The following ABCA9 variants were observed in gnomAD, a reference collection of about 807,000 sequenced individuals.
The protein encoded by ABCA9 is ATP-binding cassette sub-family A member 9.
A neutral mutation model predicts 205.3 loss-of-function variants in ABCA9; 183 were observed. The observed-to-expected ratio is 0.89, with a 90% confidence interval of 0.79 to 1.01. The LOEUF is 1.01. Ranked by LOEUF, ABCA9 falls within the 50% of genes least tolerant of loss-of-function variation. ABCA9 has a pLI of 0.00. For synonymous variants in ABCA9, 651 were observed against 683.3 expected (o/e 0.95, Z 0.74); for missense variants, 1,805 against 1,912.4 (o/e 0.94, Z 1.05).
chr17:68,989,988 T>G, intron 29 of ABCA9, 58 bp from the exon 30 acceptor site: 8 of 1,161,066 alleles, frequency 6.9e-6, no homozygotes, highest in African/African-American at 1.5e-5. Context: ...TGAGAGGGTG[T>G]TCCACACTCT....
At chr17:69,044,666 T>C (rs2071652715) in intron 4 of ABCA9, 66 bp from the exon 5 acceptor site, 1 of 1,401,914 alleles carries the variant, frequency 7.1e-7, no homozygotes, top group Non-Finnish European at 9.8e-7. Context: ...AAAAACAAAA[T>C]TTCAAATGTT....
chr17:69,016,572 T>TA (rs1238657453), intron 21 of ABCA9, among the ~76,000 whole-genome samples, 182 bp from the exon 22 acceptor site: 161 of 152,194 alleles, frequency 1.1e-3, no homozygotes, highest in African/African-American at 3.7e-3. Flanking sequence ...AAGAATCCGG[T>TA]ATTTTGGTTT....
intron 22 of ABCA9, among the ~76,000 whole-genome samples, chr17:69,014,502 A>C (rs2144238504): frequency 6.6e-6 from 1 of 152,310 alleles, no homozygotes; most frequent in African/African-American, 2.4e-5. Context: ...CTCAATCTAT[A>C]ATAGGAATAG....
intron 19 of ABCA9, among the ~76,000 whole-genome samples, chr17:69,019,597 G>A (rs778765224): frequency 6.6e-6 from 1 of 152,084 alleles, no homozygotes; most frequent in Non-Finnish European, 1.5e-5. Context: ...TCACCCTCAA[G>A]GGTGGACTGT....
rs749057742 is a variant in ABCA9, at chr17:68,986,145, GC to G, written c.4208+18del. 33 of 1,582,614 alleles carry G rather than the reference GC, an allele frequency of 2.1e-5. No individual in the cohort carries two copies. Among genetic ancestry groups the G allele is most frequent in the Non-Finnish European group, 2.5e-5 (29 of 1,163,738 alleles). On this transcript the variant is annotated intron_variant, in intron 32 of 38. Coordinates refer to ENST00000340001, the MANE Select transcript of ABCA9 (RefSeq NM_080283.4). ...AACATCCCCTCCAGCAAAGGGGAGT[GC>G]CCCCCAGTCCCAGGTACCGTGTGAT... is the stretch of plus-strand genomic sequence containing the variant.
At chr17:69,052,642 T>C (rs1362592659) in intron 1 of ABCA9, among the ~76,000 whole-genome samples, 1 of 152,152 alleles carries the variant, frequency 6.6e-6, no homozygotes, top group Non-Finnish European at 1.5e-5. Flanking sequence ...ACAAAGAAAT[T>C]CTCCAGTTCT....
At chr17:69,074,431 T>C in the ABCA9 span, among the ~76,000 whole-genome samples, 3 of 152,198 alleles carry the variant, frequency 2.0e-5, no homozygotes, top group Non-Finnish European at 4.4e-5. Flanking sequence ...CCTGGGGGAC[T>C]ATTGTTGCCA....
At chr17:69,013,884 C>T (rs186180399) in intron 22 of ABCA9, among the ~76,000 whole-genome samples, 2 of 151,994 alleles carry the variant, frequency 1.3e-5, no homozygotes, top group Non-Finnish European at 2.9e-5. Flanking sequence ...CAGAGAATGC[C>T]AGGAGCTGGG....
At chr17:68,983,947 T>C (rs922959034) in intron 35 of ABCA9, 98 bp from the exon 36 acceptor site, 1 of 1,601,804 alleles carries the variant, frequency 6.2e-7, no homozygotes, top group African/African-American at 1.3e-5. Flanking sequence ...CACATAGAGT[T>C]GGAAGCAACC....
chr17:69,011,939 GATATAAAAAACA>G (rs773659400), intron 23 of ABCA9, 25 bp downstream of exon 23: 2 of 1,463,478 alleles, frequency 1.4e-6, no homozygotes, highest in South Asian at 1.2e-5. Context: ...GGGTTCTCTA[GATATAAAAAACA>G]TGTGAAGACT....
At chr17:69,016,122 A>ATG (rs2070598152) in intron 22 of ABCA9, 131 bp downstream of exon 22, 1 of 85,450 alleles carries the variant, frequency 1.2e-5, no homozygotes, top group Non-Finnish European at 3.4e-5. Context: ...ATATATATAT[A>ATG]TACACACACA....
At chr17:69,020,292 T>C (rs1038204888) in intron 19 of ABCA9, 96 bp downstream of exon 19, 70 of 1,215,100 alleles carry the variant, frequency 5.8e-5, no homozygotes, top group Non-Finnish European at 7.7e-5. Context: ...GTGCATTTAC[T>C]GAAATTTATT....
In ABCA9 at chr17:69,027,007, G is replaced by C; in HGVS notation, c.2019C>G (p.Thr673=). ...GKSDRVILFS[T]QFIDEADILA... is the part of the protein sequence containing the mutation. ...GAATGTCAGCCTCATCTATAAACTG[G>C]GTGCTGAAGAGAATTACTCTGTCTG... Residue 673 remains threonine (T), a synonymous_variant, in exon 15 of 39, where the codon ACC becomes ACG. Coordinates refer to ENST00000340001, the MANE Select transcript of ABCA9 (RefSeq NM_080283.4). 6.2e-7 allele frequency: 1 copy of C among 1,614,020 alleles called. No homozygotes were observed. The highest frequency in any genetic ancestry group is 8.5e-7 in the Non-Finnish European group (1 of 1,179,982).
the ABCA9 span, among the ~76,000 whole-genome samples, chr17:69,071,125 G>A: frequency 2.6e-5 from 4 of 152,166 alleles, no homozygotes; most frequent in African/African-American, 9.7e-5. Context: ...GATCTCCCTG[G>A]GACAGAGCAC....
In ABCA9 at chr17:68,983,792, C is replaced by T. The variant is rs1015657522; in HGVS notation, c.4557G>A (p.Glu1519=). The T allele has an allele frequency of 1.9e-6, 3 of 1,614,118 alleles. No individual in the cohort carries two copies. The highest frequency in any genetic ancestry group is 2.5e-6 in the Non-Finnish European group (3 of 1,180,054). ...TTTGTGCCAGGTTCTTCAGCTTCATCTCCAGCAGGTAGTCTTTGCCAAATT... is the reference window on the plus strand; with the variant it reads ...TTTGTGCCAGGTTCTTCAGCTTCATTTCCAGCAGGTAGTCTTTGCCAAATT... ...KSKFGKDYLL[E]MKLKNLAQME... is the part of the protein sequence containing the mutation. The change falls in exon 36 of 39, where the codon GAG becomes GAA. Residue 1519 remains glutamate (E), a synonymous_variant. Transcript: ENST00000340001.
intron 7 of ABCA9, 81 bp from the exon 8 acceptor site, chr17:69,035,512 T>C (rs1484665045): frequency 8.1e-6 from 11 of 1,351,884 alleles, no homozygotes; most frequent in Non-Finnish European, 1.1e-5. Flanking sequence ...ATTATAAAAG[T>C]ATATTTTATA....
chr17:68,986,044 C>T lies in ABCA9; in HGVS notation c.4208+120G>A, dbSNP rs1255954494. The T allele has an allele frequency of 8.9e-6, 9 of 1,011,904 alleles. No individual in the cohort carries two copies. The East Asian group carries it at 1.9e-4, about 22-fold the overall frequency. The allele number at this position is 1,011,904 out of a possible 1,614,324, so 62.7% of individuals were successfully genotyped here. On this transcript the variant is annotated intron_variant, in intron 32 of 38. Coordinates refer to ENST00000340001, the MANE Select transcript of ABCA9 (RefSeq NM_080283.4). ...CAACACTGAACAGAGTTCTAGATGACCAAATCTTCTCCCACAAGCATGGGG... is the reference window on the plus strand; with the variant it reads ...CAACACTGAACAGAGTTCTAGATGATCAAATCTTCTCCCACAAGCATGGGG...
At chr17:69,069,740 TCA>T in the ABCA9 span, among the ~76,000 whole-genome samples, 2 of 152,042 alleles carry the variant, frequency 1.3e-5, no homozygotes, top group Non-Finnish European at 1.5e-5. Flanking sequence ...TCTTCCGTTT[TCA>T]GAATCATTAA....
chr17:69,000,184 G>C (rs1329090558), intron 25 of ABCA9, among the ~76,000 whole-genome samples: 1 of 151,870 alleles, frequency 6.6e-6, no homozygotes. Flanking sequence ...TGGTGTTTTA[G>C]ACATGAAGTC....
Sources: allele counts gnomAD v4.1 joint callset (sites outside exome capture counted in the v4.1 genomes callset), GRCh38; gene constraint gnomAD v4.1.1; transcripts MANE v1.5; gene names NCBI Gene and HGNC (gene_info 2026-07-23, HGNC 2026-07-21).